PPEF2: variants seen among roughly 807,000 people sequenced by gnomAD.
PPEF2 encodes serine/threonine-protein phosphatase with EF-hands 2.
In PPEF2, 84 loss-of-function variants were observed where a neutral mutation model predicts 84.7. The observed-to-expected ratio is 0.99, with a 90% CI of 0.83 to 1.19. PPEF2 has a LOEUF of 1.19. PPEF2 is among the 50% of genes most tolerant of loss of function. The pLI, the probability that PPEF2 is intolerant of heterozygous loss-of-function variation, is 0.00. For synonymous variants in PPEF2, 346 were observed against 345.2 expected (o/e 1.00, Z -0.03); for missense variants, 924 against 937.5 (o/e 0.99, Z 0.19).
At chr4:75,880,108 G>T (rs907291888) in intron 10 of PPEF2, among the ~76,000 whole-genome samples, 1 of 152,162 alleles carries the variant, frequency 6.6e-6, no homozygotes, top group Non-Finnish European at 1.5e-5. Context: ...GATTACAGGC[G>T]TGAGCCACTG....
At chr4:75,900,881 A>T (rs1259923718) in intron 1 of PPEF2, among the ~76,000 whole-genome samples, 1 of 152,202 alleles carries the variant, frequency 6.6e-6, no homozygotes, top group Admixed American at 6.5e-5. Flanking sequence ...CGGCCCCAAG[A>T]TATATTGTTA....
chr4:75,883,201 A>G lies in PPEF2; in HGVS notation c.748T>C (p.Tyr250His). 6.2e-7 allele frequency: 1 copy of G among 1,613,054 alleles called. No individual in the cohort carries two copies. The highest frequency in any genetic ancestry group is 8.5e-7 in the Non-Finnish European group (1 of 1,179,378). Residue 250 changes from tyrosine to histidine, a missense_variant and splice_region_variant, in exon 9 of 17, where the codon TAT becomes CAT. Coordinates refer to ENST00000286719, the MANE Select transcript of PPEF2 (RefSeq NM_006239.3). ...NHEDHMVNLRYGFTKEVMNKY... is the reference protein window; with the variant it reads ...NHEDHMVNLRHGFTKEVMNKY... ...TTCATCACTTCCTTGGTGAAGCCAT[A>G]TCTAGATTTAGAAGCACAAATAGAT... is the stretch of plus-strand genomic sequence containing the variant.
chr4:75,873,580 C>G (rs1215158751), intron 11 of PPEF2, among the ~76,000 whole-genome samples: 1 of 152,092 alleles, frequency 6.6e-6, no homozygotes, highest in Admixed American at 6.6e-5. Context: ...TATGAAAGCT[C>G]AATATGTAAA....
At position 75,876,413 on chromosome 4, in the gene PPEF2, T is replaced by TA; in HGVS notation, c.1193dup (p.Glu399ArgfsTer28). 1 of 1,614,172 alleles carries TA rather than the reference T, an allele frequency of 6.2e-7. No individual in the cohort carries two copies. The highest frequency in any genetic ancestry group is 1.1e-5 in the South Asian group (1 of 91,080). ...GGCCTGCTTGCTGCCGGCACCGCTC[T>TA]AGCTCCAGTTCCACGGAGCTCCGCA... is the stretch of plus-strand genomic sequence containing the variant. On this transcript the variant is annotated frameshift_variant, in exon 11 of 17. Transcript: ENST00000286719. LOFTEE classifies it high-confidence loss of function.
chr4:75,891,962 G>A lies in PPEF2; in HGVS notation c.72C>T (p.Ala24=), dbSNP rs1724900307. 1.2e-6 allele frequency: 2 copies of A among 1,613,930 alleles called. No homozygotes were observed. Among genetic ancestry groups the A allele is most frequent in the South Asian group, 1.1e-5 (1 of 91,070 alleles). The change falls in exon 3 of 17, where the codon GCC becomes GCT. Residue 24 remains alanine, a synonymous_variant. Coordinates refer to ENST00000286719, the MANE Select transcript of PPEF2 (RefSeq NM_006239.3). ...AGCGCCGGTACCATCTCTGGATCAG[G>A]GCTGCTGCCTTGAAGGCTATGACAC... ...QNAERAFKAA[A]LIQRWYRRYV... is the part of the protein sequence containing the mutation.
chr4:75,896,270 C>T lies in PPEF2; in HGVS notation c.55+1G>A. ...TGGTTTGGAAAGTGGGAAACACGTA[C>T]CTCTCTCTGCATTCTGGAAAGCAAA... On this transcript the variant is annotated splice_donor_variant, in intron 2 of 16. Transcript: ENST00000286719. LOFTEE classifies it high-confidence loss of function. 6.2e-7 allele frequency: 1 copy of T among 1,614,010 alleles called. No homozygotes were observed. The highest frequency in any genetic ancestry group is 8.5e-7 in the Non-Finnish European group (1 of 1,179,864).
chr4:75,883,183 C>T lies in PPEF2; in HGVS notation c.766G>A (p.Val256Met), dbSNP rs774312143. 1.2e-6 allele frequency: 2 copies of T among 1,613,684 alleles called. No individual in the cohort carries two copies. Among genetic ancestry groups the T allele is most frequent in the South Asian group, 2.2e-5 (2 of 91,074 alleles). The change falls in exon 9 of 17, where the codon GTG becomes ATG. Residue 256 changes from valine (V) to methionine (M), a missense_variant. By Grantham distance (21) the Val-to-Met change is conservative. Transcript: ENST00000286719. Reference protein sequence around the residue: ...VNLRYGFTKEVMNKYKVHGKE... With the variant: ...VNLRYGFTKEMMNKYKVHGKE... ...CAGCGCACCTTGTATTTATTCATCA[C>T]TTCCTTGGTGAAGCCATATCTAGAT...
chr4:75,876,194 G>A, intron 11 of PPEF2, 93 bp downstream of exon 11: 3 of 1,213,004 alleles, frequency 2.5e-6, no homozygotes, highest in Non-Finnish European at 3.3e-6. Context: ...AAGAGAAAGA[G>A]GGGCCTCAAA....
chr4:75,874,614 C>T (rs183693673), intron 11 of PPEF2, among the ~76,000 whole-genome samples: 3 of 151,932 alleles, frequency 2.0e-5, no homozygotes, highest in African/African-American at 7.3e-5. Flanking sequence ...TTAATGCTTT[C>T]TAAAAGTACT....
chr4:75,888,821 T>C (rs1724801714), intron 5 of PPEF2, among the ~76,000 whole-genome samples: 1 of 152,256 alleles, frequency 6.6e-6, no homozygotes, highest in Admixed American at 6.5e-5. Context: ...CTGTCATCTT[T>C]CGCTTGGACG....
chr4:75,873,295 C>T lies in PPEF2; in HGVS notation c.1338G>A (p.Trp446Ter), dbSNP rs765562299. 4.3e-6 allele frequency: 7 copies of T among 1,613,092 alleles called. No homozygotes were observed. The highest frequency in any genetic ancestry group is 5.9e-6 in the Non-Finnish European group (7 of 1,179,766). Residue 446 changes from tryptophan to a stop codon, truncating the protein, a stop_gained, in exon 12 of 17, where the codon TGG (tryptophan) becomes TGA (stop). Transcript: ENST00000286719. LOFTEE classifies it high-confidence loss of function. ...AGCCCTCTTGAGCCATGGGATCACT[C>T]CACAGGATATCTACAACCTGAGAAG... Reference protein sequence around the residue: ...EEWRQVVDILWSDPMAQEGCK... With the variant: ...EEWRQVVDIL
At chr4:75,868,774 G>A (rs545363074) in intron 13 of PPEF2, among the ~76,000 whole-genome samples, 12 of 152,068 alleles carry the variant, frequency 7.9e-5, no homozygotes, top group African/African-American at 2.2e-4. Flanking sequence ...AGGCTGAAGC[G>A]GGAGGATCAC....
At chr4:75,880,935 G>A (rs924386157) in intron 10 of PPEF2, among the ~76,000 whole-genome samples, 5 of 151,604 alleles carry the variant, frequency 3.3e-5, no homozygotes, top group Non-Finnish European at 7.4e-5. Context: ...GAGTAGCTGG[G>A]ACTACAGGCG....
At position 75,879,451 on chromosome 4, in the gene PPEF2, T is replaced by C. The variant is rs546223059; in HGVS notation, c.934-2778A>G. 3.9e-5 allele frequency among the ~76,000 whole-genome samples: 6 copies of C among 152,352 alleles called. No individual in the cohort carries two copies. The South Asian group carries it at 1.2e-3, about 32-fold the overall frequency. On this transcript the variant is annotated intron_variant, in intron 10 of 16. Coordinates refer to ENST00000286719, the MANE Select transcript of PPEF2 (RefSeq NM_006239.3). ...ACAAAAATGTAGCTCATTTACTATT[T>C]ATAATAATCAGGCAGAAAAAATATT... is the stretch of plus-strand genomic sequence containing the variant.
At chr4:75,900,922 G>A (rs899960195) in intron 1 of PPEF2, among the ~76,000 whole-genome samples, 7 of 151,948 alleles carry the variant, frequency 4.6e-5, no homozygotes, top group African/African-American at 7.3e-5. Flanking sequence ...AGAAGAGCAC[G>A]CCTAGTGTGA....
chr4:75,896,156 G>T, intron 2 of PPEF2, 115 bp downstream of exon 2: 1 of 1,132,950 alleles, frequency 8.8e-7, no homozygotes, highest in Non-Finnish European at 1.3e-6. Flanking sequence ...CTAAGAGCTG[G>T]CCTGAGGAGA....
At chr4:75,867,034 C>T (rs1724147274) in intron 14 of PPEF2, among the ~76,000 whole-genome samples, 1 of 152,138 alleles carries the variant, frequency 6.6e-6, no homozygotes, top group Non-Finnish European at 1.5e-5. Context: ...ATAACTTCTC[C>T]CACTTGTTCT....
At chr4:75,864,307 A>C in intron 16 of PPEF2, 133 bp downstream of exon 16, 1 of 665,788 alleles carries the variant, frequency 1.5e-6, no homozygotes. Context: ...GTCATTTATA[A>C]GCACTAATCT....
intron 4 of PPEF2, 110 bp from the exon 5 acceptor site, chr4:75,890,242 T>C: frequency 2.4e-6 from 3 of 1,226,346 alleles, no homozygotes; most frequent in Non-Finnish European, 2.3e-6. Context: ...TCCCAGAAAT[T>C]TGCGGGGCCA....
Sources: allele counts gnomAD v4.1 joint callset (sites outside exome capture counted in the v4.1 genomes callset), GRCh38; gene constraint gnomAD v4.1.1; transcripts MANE v1.5; gene names NCBI Gene and HGNC (gene_info 2026-07-23, HGNC 2026-07-21).